The following KCNMA1 variants were observed in gnomAD, a reference collection of about 807,000 sequenced individuals.
The protein encoded by KCNMA1 is Calcium-activated potassium channel subunit alpha-1.
KCNMA1 carries 29 observed loss-of-function variants against 140.0 expected under a neutral mutation model. The observed-to-expected ratio is 0.21, with a 90% CI of 0.15 to 0.28. The LOEUF is 0.28. KCNMA1 is among the 10% of genes least tolerant of loss of function. The pLI, the probability that KCNMA1 is intolerant of heterozygous loss-of-function variation, is 1.00. For synonymous variants in KCNMA1, 612 were observed against 611.9 expected, an observed-to-expected ratio of 1.00 and a Z score of 0.00; for missense variants, 880 against 1,602.2, an observed-to-expected ratio of 0.55 and a Z score of 7.70.
chr10:76,888,330 T>C (rs890024526), intron 27 of KCNMA1: 2 of 152,214 alleles, frequency 1.3e-5, no homozygotes, highest in Non-Finnish European at 2.9e-5. Context: ...TCTATAGCAA[T>C]TGTTCTCAAT....
chr10:77,395,499 G>A (rs1284527671), intron 2 of KCNMA1, among the ~76,000 whole-genome samples: 3 of 152,212 alleles, frequency 2.0e-5, no homozygotes, highest in Non-Finnish European at 1.5e-5. Flanking sequence ...ATGCCCACAG[G>A]TATTACATGG....
chr10:76,937,377 G>A (rs186112190), intron 23 of KCNMA1, among the ~76,000 whole-genome samples: 1 of 152,296 alleles, frequency 6.6e-6, no homozygotes, highest in Non-Finnish European at 1.5e-5. Context: ...TCAAATTTCT[G>A]CTTCAAATCT....
intron 3 of KCNMA1, among the ~76,000 whole-genome samples, chr10:77,221,993 GTAAAATGGTGATCATAACTCCT>G: frequency 7.2e-6 from 1 of 139,642 alleles, no homozygotes; most frequent in Middle Eastern, 3.7e-3. Flanking sequence ...TTCATCATCT[GTAAAATGGTGATCATAACTCCT>G]TCAGTACAGG....
intron 5 of KCNMA1, chr10:77,150,049 T>C (rs2098390354): frequency 6.6e-6 from 1 of 152,186 alleles, no homozygotes; most frequent in Admixed American, 6.5e-5. Flanking sequence ...TATGAAAATT[T>C]CTGCCACAAT....
chr10:77,012,287 G>A (rs1341183856), intron 17 of KCNMA1: 3 of 1,459,670 alleles, frequency 2.1e-6, no homozygotes, highest in Non-Finnish European at 2.7e-6. Flanking sequence ...AAAGAAACTG[G>A]GAAAAAAGTT....
At chr10:77,198,733 G>C (rs538760473) in intron 3 of KCNMA1, among the ~76,000 whole-genome samples, 1 of 151,964 alleles carries the variant, frequency 6.6e-6, no homozygotes, top group Non-Finnish European at 1.5e-5. Flanking sequence ...TATAAGGCTT[G>C]TTATCATTTT....
chr10:77,485,699 A>G (rs1025252058), intron 1 of KCNMA1, among the ~76,000 whole-genome samples: 1 of 152,224 alleles, frequency 6.6e-6, no homozygotes, highest in Admixed American at 6.5e-5. Flanking sequence ...CAGGAGACTG[A>G]GCCCTCACTT....
At chr10:77,343,431 C>T (rs2091448795) in intron 2 of KCNMA1, among the ~76,000 whole-genome samples, 1 of 152,134 alleles carries the variant, frequency 6.6e-6, no homozygotes. Flanking sequence ...AGTCCATCAT[C>T]CTAACCATAC....
At chr10:76,919,328 A>G (rs893476155) in intron 23 of KCNMA1, among the ~76,000 whole-genome samples, 2 of 152,216 alleles carry the variant, frequency 1.3e-5, no homozygotes, top group African/African-American at 2.4e-5. Context: ...CAATAAAAAT[A>G]AAATAAATAA....
chr10:77,410,131 C>T (rs1020709634), intron 1 of KCNMA1, among the ~76,000 whole-genome samples: 7 of 152,148 alleles, frequency 4.6e-5, no homozygotes, highest in African/African-American at 1.7e-4. Context: ...CAGATTCCTA[C>T]CCAGCTGCAA....
intron 1 of KCNMA1, among the ~76,000 whole-genome samples, chr10:77,445,365 GACACAC>G (rs33995063): frequency 1.2e-4 from 17 of 141,272 alleles, no homozygotes; most frequent in South Asian, 4.5e-4. Flanking sequence ...CACATACACA[GACACAC>G]ACACACACAC....
At chr10:76,993,918 C>T (rs1041711494) in intron 19 of KCNMA1, among the ~76,000 whole-genome samples, 3 of 152,096 alleles carry the variant, frequency 2.0e-5, no homozygotes, top group Non-Finnish European at 4.4e-5. Flanking sequence ...GTGCAGGAGG[C>T]CCCCCCAGGA....
chr10:77,387,773 A>C (rs928023542), intron 2 of KCNMA1, among the ~76,000 whole-genome samples: 3 of 152,010 alleles, frequency 2.0e-5, no homozygotes, highest in Non-Finnish European at 4.4e-5. Flanking sequence ...GCCTGCCAGC[A>C]TGCTCAGCTA....
chr10:77,363,096 T>C lies in KCNMA1; in HGVS notation c.540+40766A>G, dbSNP rs1822310010. 3.4e-5 allele frequency among the ~76,000 whole-genome samples: 5 copies of C among 148,024 alleles called. No individual in the cohort carries two copies. In the South Asian group the frequency reaches 1.1e-3, roughly 32 times the overall value. Reference sequence around the variant, plus strand: ...GGTGACTTACAATATTGAGAGTAGTTTGAGATTGTTAAGAATTATTATTAT... The same window carrying C: ...GGTGACTTACAATATTGAGAGTAGTCTGAGATTGTTAAGAATTATTATTAT... On this transcript the variant is annotated intron_variant, in intron 2 of 27. Coordinates refer to ENST00000286628, the MANE Select transcript of KCNMA1 (RefSeq NM_001161352.2).
At chr10:77,360,706 A>G (rs2093873684) in intron 2 of KCNMA1, among the ~76,000 whole-genome samples, 1 of 152,168 alleles carries the variant, frequency 6.6e-6, no homozygotes, top group South Asian at 2.1e-4. Context: ...CTCCAAAGGG[A>G]AACTCAGGGG....
At chr10:77,342,213 C>T (rs2091091152) in intron 2 of KCNMA1, among the ~76,000 whole-genome samples, 1 of 152,172 alleles carries the variant, frequency 6.6e-6, no homozygotes, top group Non-Finnish European at 1.5e-5. Flanking sequence ...TAAGCAATAA[C>T]AACAGCAATA....
chr10:77,475,146 G>C (rs2098250714), intron 1 of KCNMA1, among the ~76,000 whole-genome samples: 1 of 152,196 alleles, frequency 6.6e-6, no homozygotes. Flanking sequence ...CTGTAAATGA[G>C]ATAATAGGAG....
At chr10:77,009,607 C>T (rs2090195335) in intron 18 of KCNMA1, among the ~76,000 whole-genome samples, 1 of 152,140 alleles carries the variant, frequency 6.6e-6, no homozygotes, top group South Asian at 2.1e-4. Context: ...CAAAGGCTTC[C>T]TAATATAGGA....
intron 26 of KCNMA1, among the ~76,000 whole-genome samples, chr10:76,890,361 T>C (rs1243623185): frequency 6.6e-6 from 1 of 152,176 alleles, no homozygotes; most frequent in African/African-American, 2.4e-5. Flanking sequence ...AAAATGACTG[T>C]CTTTGTCCTT....
Sources: allele counts gnomAD v4.1 joint callset (sites outside exome capture counted in the v4.1 genomes callset), GRCh38; gene constraint gnomAD v4.1.1; transcripts MANE v1.5; gene names NCBI Gene and HGNC (gene_info 2026-07-23, HGNC 2026-07-21).